Variants in SMARCA5 observed in about 807,000 individuals in gnomAD.
SMARCA5 encodes the protein SNF2 related chromatin remodeling ATPase 5, also known as SWI/SNF-related matrix-associated actin-dependent regulator of chromatin subfamily A member 5.
In SMARCA5, 18 loss-of-function variants were observed where a neutral mutation model predicts 140.4. The ratio of observed to expected loss-of-function variants is 0.13; its 90% CI spans 0.09 to 0.19. The LOEUF (loss-of-function observed/expected upper bound fraction) is 0.19. Among genes scored for constraint, SMARCA5 ranks in the 10% least tolerant of loss-of-function variants. The pLI is 1.00. For missense variants in SMARCA5, 606 were observed against 1,276.8 expected (o/e 0.47, Z 8.01); for synonymous variants, 449 against 419.6 (o/e 1.07, Z -0.86).
intron 20 of SMARCA5, 40 bp from the exon 21 acceptor site, chr4:143,547,343 TAA>T (rs1174995890): frequency 9.7e-7 from 1 of 1,029,046 alleles, no homozygotes; most frequent in Admixed American, 2.1e-5. Flanking sequence ...ATTAAAGAAA[TAA>T]AAATATAAAT....
chr4:143,534,586 A>G (rs932094509), intron 9 of SMARCA5, among the ~76,000 whole-genome samples: 4 of 152,146 alleles, frequency 2.6e-5, no homozygotes, highest in African/African-American at 9.7e-5. Context: ...AGTATATGGG[A>G]GGATGTTTGT....
intron 14 of SMARCA5, among the ~76,000 whole-genome samples, chr4:143,541,287 T>C (rs147209253): frequency 3.5e-4 from 53 of 152,332 alleles, no homozygotes; most frequent in African/African-American, 1.3e-3. Context: ...TGTAACTGCA[T>C]TTGTGAGCAT....
At chr4:143,514,247 C>G in intron 1 of SMARCA5, 146 bp downstream of exon 1, 1 of 707,174 alleles carries the variant, frequency 1.4e-6, no homozygotes, top group Admixed American at 3.1e-5. Context: ...AAATGATGCT[C>G]TCACTCTTGC....
intron 21 of SMARCA5, 26 bp from the exon 22 acceptor site, chr4:143,547,902 T>C (rs752549993): frequency 2.3e-6 from 3 of 1,310,274 alleles, no homozygotes; most frequent in Admixed American, 4.4e-5. Context: ...TTGTATTTTA[T>C]ATAATATAAA....
chr4:143,527,197 A>G (rs1368546216), intron 6 of SMARCA5, among the ~76,000 whole-genome samples: 1 of 152,224 alleles, frequency 6.6e-6, no homozygotes, highest in African/African-American at 2.4e-5. Flanking sequence ...TGTGGGAAGA[A>G]GAGATGGAAA....
rs1736749885 is a variant in SMARCA5, at chr4:143,513,747, TG to T, written c.-177del. The T allele has an allele frequency of 6.2e-6, 4 of 640,146 alleles. No individual in the cohort carries two copies. In the Admixed American group the frequency reaches 1.2e-4, roughly 20 times the overall value. 39.7% of individuals were successfully genotyped at this position (640,146 alleles called of 1,614,324 possible). ...CGCGGAAGAGCAGAACGTTTGGGAG[TG>T]TGCAGCTCCTGGGCCCGGCTCAGGC... On this transcript the variant is annotated 5_prime_UTR_variant, in exon 1 of 24. Coordinates refer to ENST00000283131, the MANE Select transcript of SMARCA5 (RefSeq NM_003601.4).
intron 22 of SMARCA5, among the ~76,000 whole-genome samples, chr4:143,548,990 A>G (rs775482343): frequency 6.6e-6 from 1 of 152,098 alleles, no homozygotes; most frequent in Non-Finnish European, 1.5e-5. Context: ...TAAATACATG[A>G]AGATACTTTG....
In SMARCA5 at chr4:143,556,064, A is replaced by G. The variant is rs1351116958; in HGVS notation, c.*2880A>G. ...AGCATCCCTAATCAAAAAATCTAAA[A>G]TCAGAAATGCTCCATAATTTGAATG... On this transcript the variant is annotated 3_prime_UTR_variant, in exon 24 of 24. Coordinates refer to ENST00000283131, the MANE Select transcript of SMARCA5 (RefSeq NM_003601.4). 6.6e-6 allele frequency: 1 copy of G among 152,220 alleles called. No individual in the cohort carries two copies. Among genetic ancestry groups the G allele is most frequent in the African/African-American group, 2.4e-5 (1 of 41,460 alleles). 9.4% of individuals were successfully genotyped at this position (152,220 alleles called of 1,614,324 possible). A position where few individuals can be genotyped will look rare whatever the true frequency, so the allele number is the denominator to read the frequency against.
intron 14 of SMARCA5, 31 bp from the exon 15 acceptor site, chr4:143,543,478 G>A (rs1349205921): frequency 1.9e-6 from 3 of 1,592,768 alleles, no homozygotes; most frequent in East Asian, 2.2e-5. Flanking sequence ...AGTCTGTTCA[G>A]TTAACATTAT....
intron 23 of SMARCA5, among the ~76,000 whole-genome samples, chr4:143,551,361 G>A (rs1737636417): frequency 6.6e-6 from 1 of 151,954 alleles, no homozygotes; most frequent in Non-Finnish European, 1.5e-5. Context: ...CATTCTGTGG[G>A]ATGTCTCTTC....
rs1006600087 is a variant in SMARCA5 at position 143,553,189 on chromosome 4, G to T, written c.*5G>T. ...AAAAAGAAGCTGAAACTATGAATAT[G>T]TTTTTGTTTCATAATCACTAACTTT... is the stretch of plus-strand genomic sequence containing the variant. On this transcript the variant is annotated 3_prime_UTR_variant, in exon 24 of 24. Coordinates refer to ENST00000283131, the MANE Select transcript of SMARCA5 (RefSeq NM_003601.4). The T allele has an allele frequency of 1.9e-6, 3 of 1,606,168 alleles. No homozygotes were observed. Among genetic ancestry groups the T allele is most frequent in the Non-Finnish European group, 2.6e-6 (3 of 1,173,216 alleles).
intron 3 of SMARCA5, among the ~76,000 whole-genome samples, chr4:143,523,769 T>G (rs1295716085): frequency 1.3e-5 from 2 of 152,198 alleles, no homozygotes; most frequent in Non-Finnish European, 2.9e-5. Context: ...AAATATTTGT[T>G]GAAAGTGTCA....
At chr4:143,536,709 CTG>C in intron 11 of SMARCA5, 31 bp downstream of exon 11, 1 of 1,481,602 alleles carries the variant, frequency 6.7e-7, no homozygotes, top group South Asian at 1.2e-5. Context: ...ATTATCAAAA[CTG>C]TTTTAAAATG....
rs1737703552 is a variant in SMARCA5, at chr4:143,554,176, T to A, written c.*992T>A. 6.6e-6 allele frequency: 1 copy of A among 152,160 alleles called. No individual in the cohort carries two copies. The highest frequency in any genetic ancestry group is 1.5e-5 in the Non-Finnish European group (1 of 67,996). 9.4% of individuals were successfully genotyped at this position (152,160 alleles called of 1,614,324 possible). A position where few individuals can be genotyped will look rare whatever the true frequency, so the allele number is the denominator to read the frequency against. ...TTCTGTTTTCTATGGACAGACCTGATAAACTGGAGACCCTAAAGCAGGAAT... is the reference window on the plus strand; with the variant it reads ...TTCTGTTTTCTATGGACAGACCTGAAAAACTGGAGACCCTAAAGCAGGAAT... On this transcript the variant is annotated 3_prime_UTR_variant, in exon 24 of 24. Coordinates refer to ENST00000283131, the MANE Select transcript of SMARCA5 (RefSeq NM_003601.4).
At chr4:143,522,971 T>G (rs532008315) in intron 3 of SMARCA5, among the ~76,000 whole-genome samples, 2 of 152,308 alleles carry the variant, frequency 1.3e-5, no homozygotes, top group African/African-American at 4.8e-5. Context: ...CTAATTTACC[T>G]AAAGTAATGA....
rs1289335827 is a variant in SMARCA5 at position 143,514,175 on chromosome 4, A to G, written c.177+74A>G. 4 of 1,367,438 alleles carry G rather than the reference A, an allele frequency of 2.9e-6. No homozygotes were observed. In the African/African-American group the frequency reaches 4.5e-5, roughly 15 times the overall value. 84.7% of individuals were successfully genotyped at this position (1,367,438 alleles called of 1,614,324 possible). On this transcript the variant is annotated intron_variant, in intron 1 of 23. Transcript: ENST00000283131. ...CTGGCTCCCTCGCCGGATCGTGGCG[A>G]TCGGACGCAGAGCCGGGTTTCTCTC...
In SMARCA5 at chr4:143,513,862, C is replaced by A. The variant is rs1189074693; in HGVS notation, c.-63C>A. ...TGCGACGTAGCATCCAGGCCTAGGC[C>A]TCCCCGTCCATCCCCGCCGGACTCG... On this transcript the variant is annotated 5_prime_UTR_variant, in exon 1 of 24. Transcript: ENST00000283131. The A allele has an allele frequency of 4.6e-6, 7 of 1,508,646 alleles. No individual in the cohort carries two copies. The highest frequency in any genetic ancestry group is 2.0e-5 in the Admixed American group (1 of 50,090). 93.5% of individuals were successfully genotyped at this position (1,508,646 alleles called of 1,614,324 possible).
intron 6 of SMARCA5, among the ~76,000 whole-genome samples, chr4:143,527,194 A>G (rs4690791): frequency 0.23 from 34,226 of 152,110 alleles, 4,252 homozygotes; most frequent in East Asian, 0.6. Flanking sequence ...CCTTGTGGGA[A>G]GAAGAGATGG....
intron 19 of SMARCA5, 102 bp from the exon 20 acceptor site, chr4:143,546,674 C>A: frequency 9.5e-7 from 1 of 1,055,930 alleles, no homozygotes. Flanking sequence ...ACTTAATAAA[C>A]TAGTGAAAAT....
Sources: gnomAD v4.1 joint callset for allele counts (sites outside exome capture counted in the v4.1 genomes callset) on GRCh38, gnomAD v4.1.1 for gene constraint, MANE v1.5 for transcripts, NCBI Gene and HGNC (gene_info 2026-07-23, HGNC 2026-07-21) for gene names.